The following DNAAF19 variants were observed in gnomAD, a reference collection of about 807,000 sequenced individuals.
DNAAF19 encodes the protein dynein axonemal assembly factor 19.
the DNAAF19 span, chr17:44,903,290 G>T: frequency 4.0e-6 from 5 of 1,246,524 alleles, no homozygotes; most frequent in Non-Finnish European, 5.0e-6. Context: ...ATCATTTGAG[G>T]TGTTGAATTT....
the DNAAF19 span, chr17:44,901,534 C>A: frequency 1.2e-6 from 2 of 1,613,996 alleles, no homozygotes. Flanking sequence ...ATTGTCCTTG[C>A]ATCACATCTG....
the DNAAF19 span, chr17:44,905,000 G>A: frequency 1.7e-5 from 27 of 1,550,760 alleles, no homozygotes; most frequent in Admixed American, 5.3e-4. Flanking sequence ...CATCACAGCA[G>A]TCTTTGTCAC....
chr17:44,901,006 G>A, the DNAAF19 span: 21 of 1,604,536 alleles, frequency 1.3e-5, no homozygotes, highest in Non-Finnish European at 1.6e-5. Flanking sequence ...GCCATGGAAA[G>A]GAATGACATC....
the DNAAF19 span, chr17:44,902,412 T>A: frequency 6.2e-7 from 1 of 1,614,198 alleles, no homozygotes; most frequent in East Asian, 2.2e-5. Context: ...TCTATCGTGA[T>A]TGGCGACGAC....
chr17:44,904,186 C>T, the DNAAF19 span: 2 of 1,550,542 alleles, frequency 1.3e-6, no homozygotes, highest in Admixed American at 2.0e-5. Flanking sequence ...AGTCTGAGGA[C>T]TCAGGCCTGT....
At chr17:44,905,343 T>G in the DNAAF19 span, 2 of 469,584 alleles carry the variant, frequency 4.3e-6, no homozygotes, top group African/African-American at 2.0e-5. Context: ...AAGGAAAGTG[T>G]GAACTCAGAT....
chr17:44,904,728 G>C, the DNAAF19 span: 2 of 1,550,566 alleles, frequency 1.3e-6, no homozygotes, highest in Non-Finnish European at 1.7e-6. Context: ...GCAGTGGCCT[G>C]GGACAAAGAC....
chr17:44,904,680 G>A, the DNAAF19 span: 2 of 1,550,578 alleles, frequency 1.3e-6, no homozygotes, highest in South Asian at 2.4e-5. Flanking sequence ...CTGGGCCATG[G>A]ACTCATCATC....
chr17:44,904,915 T>C, the DNAAF19 span: 24 of 1,550,496 alleles, frequency 1.5e-5, no homozygotes, highest in South Asian at 2.4e-5. Flanking sequence ...TGACATCTCA[T>C]GGGCACTACC....
chr17:44,901,191 G>T, the DNAAF19 span: 1 of 1,580,388 alleles, frequency 6.3e-7, no homozygotes, highest in Non-Finnish European at 8.5e-7. Flanking sequence ...GTGGATTATA[G>T]TAGTTAACTC....
chr17:44,903,349 A>T, the DNAAF19 span: 1 of 1,247,704 alleles, frequency 8.0e-7, no homozygotes, highest in East Asian at 3.1e-5. Context: ...GAAAGTCCCA[A>T]GCCATCAGCT....
chr17:44,904,827 G>T, the DNAAF19 span: 2 of 1,550,674 alleles, frequency 1.3e-6, no homozygotes, highest in Non-Finnish European at 1.7e-6. Context: ...CTCCACATCC[G>T]CTTCACCCAG....
At chr17:44,903,783 A>T in the DNAAF19 span, 1 of 1,512,132 alleles carries the variant, frequency 6.6e-7, no homozygotes, top group South Asian at 1.3e-5. Flanking sequence ...ATGAGCCTTT[A>T]ATGCCCTGGT....
the DNAAF19 span, chr17:44,903,124 C>A: frequency 9.0e-4 from 1,153 of 1,285,524 alleles, 9 homozygotes; most frequent in African/African-American, 0.016. Flanking sequence ...TGTGCCCAAC[C>A]AAATGCTGGC....
the DNAAF19 span, chr17:44,904,487 C>G: frequency 6.5e-7 from 1 of 1,548,010 alleles, no homozygotes; most frequent in South Asian, 1.2e-5. Flanking sequence ...AAGGGCTGTG[C>G]CAAGGAAGCT....
the DNAAF19 span, chr17:44,900,996 G>A: frequency 6.2e-7 from 1 of 1,602,036 alleles, no homozygotes; most frequent in Non-Finnish European, 8.5e-7. Context: ...CCAGGCACAG[G>A]CCATGGAAAG....
the DNAAF19 span, chr17:44,901,244 T>C: frequency 7.3e-7 from 1 of 1,361,870 alleles, no homozygotes; most frequent in Non-Finnish European, 1.0e-6. Context: ...CCCCACCGTC[T>C]ACTGTTTGAT....
chr17:44,903,073 G>C, the DNAAF19 span: 5 of 1,368,492 alleles, frequency 3.7e-6, no homozygotes, highest in South Asian at 7.6e-5. Context: ...CACCCTTAGA[G>C]TCTGCCAAGC....
At chr17:44,901,315 T>TA in the DNAAF19 span, among the ~76,000 whole-genome samples, 1 of 152,244 alleles carries the variant, frequency 6.6e-6, no homozygotes, top group African/African-American at 2.4e-5. Flanking sequence ...CAGTAACTGT[T>TA]ATAATTAAAT....
Sources: allele counts gnomAD v4.1 joint callset (sites outside exome capture counted in the v4.1 genomes callset), GRCh38; gene constraint gnomAD v4.1.1; transcripts MANE v1.5; gene names NCBI Gene and HGNC (gene_info 2026-07-23, HGNC 2026-07-21).